The following SERINC5 variants were observed in gnomAD, a reference collection of about 807,000 sequenced individuals.
The protein encoded by SERINC5 is serine incorporator 5.
In SERINC5, 41 loss-of-function variants were observed where a neutral mutation model predicts 63.1. The ratio of observed to expected loss-of-function variants is 0.65; its 90% CI spans 0.51 to 0.84. SERINC5 has a LOEUF of 0.84. Ranked by LOEUF, SERINC5 falls within the 40% of genes least tolerant of loss-of-function variation. The probability of loss-of-function intolerance (pLI) is 0.00; values close to 1 mark genes in which losing one functional copy is unlikely to be tolerated. For missense variants in SERINC5, 523 were observed against 573.0 expected (o/e 0.91, Z 0.89); for synonymous variants, 222 against 215.2 (o/e 1.03, Z -0.28).
intron 1 of SERINC5, among the ~76,000 whole-genome samples, chr5:80,224,492 A>C (rs1751076888): frequency 6.6e-6 from 1 of 152,172 alleles, no homozygotes; most frequent in South Asian, 2.1e-4. Context: ...AAAAAAAAAC[A>C]GTCATGTTTG....
intron 1 of SERINC5, among the ~76,000 whole-genome samples, chr5:80,254,448 G>A (rs1194989380): frequency 1.3e-5 from 2 of 152,152 alleles, no homozygotes; most frequent in African/African-American, 4.8e-5. Context: ...TTTGAATACT[G>A]GTAATTACAG....
intron 2 of SERINC5, among the ~76,000 whole-genome samples, chr5:80,193,159 G>A (rs557815757): frequency 1.9e-4 from 29 of 152,294 alleles, no homozygotes; most frequent in African/African-American, 7.0e-4. Flanking sequence ...AATGAGCTCG[G>A]ATTACAGTTT....
intron 2 of SERINC5, among the ~76,000 whole-genome samples, chr5:80,195,178 C>T (rs1417469882): frequency 6.6e-6 from 1 of 151,336 alleles, no homozygotes; most frequent in African/African-American, 2.4e-5. Context: ...CCCAGCTACT[C>T]GGGAGGCTGA....
At chr5:80,137,112 C>A (rs1481836217), downstream of SERINC5, among the ~76,000 whole-genome samples, 1 of 127,264 alleles carries the variant, frequency 7.9e-6, no homozygotes, top group African/African-American at 2.9e-5. Flanking sequence ...TGCACTCCAG[C>A]TGGGGTGGCA....
intron 11 of SERINC5, among the ~76,000 whole-genome samples, chr5:80,123,097 G>A (rs1744611443): frequency 9.7e-6 from 1 of 102,694 alleles, no homozygotes; most frequent in Admixed American, 9.0e-5. Flanking sequence ...AATCTGTTTT[G>A]TCATCAATTT....
Position 80,148,322 on chromosome 5 carries a change from C to A in SERINC5, c.1054-1038G>T, listed in dbSNP as rs1014605474. Among the ~76,000 whole-genome samples the A allele has an allele frequency of 2.6e-5, 4 of 151,196 alleles. No individual in the cohort carries two copies. In the South Asian group the frequency reaches 8.4e-4, roughly 32 times the overall value. On this transcript the variant is annotated intron_variant, in intron 9 of 11. Coordinates refer to ENST00000507668, the MANE Select transcript of SERINC5 (RefSeq NM_001174072.3). The stretch of plus-strand genomic sequence containing the variant: ...TATCCTGCCTCAGCCTCCCAAGTAG[C>A]TGGGATTACAGGCATGTGCCACCAT...
chr5:80,112,857 G>T, intron 12 of SERINC5, among the ~76,000 whole-genome samples: 1 of 152,112 alleles, frequency 6.6e-6, no homozygotes, highest in East Asian at 1.9e-4. Flanking sequence ...ACAGGTGCTC[G>T]AGAGGCTGAG....
chr5:80,187,127 C>G (rs1315008447), intron 2 of SERINC5, among the ~76,000 whole-genome samples: 2 of 152,066 alleles, frequency 1.3e-5, no homozygotes, highest in Non-Finnish European at 2.9e-5. Flanking sequence ...GATCACGCCA[C>G]TGCACTCCAG....
At chr5:80,179,136 T>TA (rs1340326605) in intron 2 of SERINC5, among the ~76,000 whole-genome samples, 2 of 151,830 alleles carry the variant, frequency 1.3e-5, no homozygotes, top group Admixed American at 1.3e-4. Context: ...CTGTCTCTAC[T>TA]AAAAATACAA....
chr5:80,120,498 T>C (rs138050186), intron 11 of SERINC5, among the ~76,000 whole-genome samples: 4 of 152,250 alleles, frequency 2.6e-5, no homozygotes, highest in East Asian at 3.9e-4. Flanking sequence ...TCATATACCA[T>C]ATTAGGTTAT....
intron 11 of SERINC5, among the ~76,000 whole-genome samples, chr5:80,127,924 T>C (rs1385760853): frequency 6.6e-6 from 1 of 152,102 alleles, no homozygotes. Context: ...GAAAACATAC[T>C]GAACTTAAAA....
chr5:80,200,396 G>C (rs1390133728), intron 2 of SERINC5, among the ~76,000 whole-genome samples: 5 of 151,526 alleles, frequency 3.3e-5, no homozygotes, highest in Non-Finnish European at 4.4e-5. Context: ...TGAGGCAGGA[G>C]AATGGCGTGA....
chr5:80,244,787 A>G (rs1207640031), intron 1 of SERINC5, among the ~76,000 whole-genome samples: 5 of 152,038 alleles, frequency 3.3e-5, no homozygotes, highest in African/African-American at 1.2e-4. Context: ...GTGCCATTGC[A>G]CTCCAGCCTG....
At chr5:80,174,710 C>T (rs1242004732) in intron 5 of SERINC5, among the ~76,000 whole-genome samples, 1 of 151,922 alleles carries the variant, frequency 6.6e-6, no homozygotes, top group East Asian at 1.9e-4. Context: ...GAGACCCGTA[C>T]GAGCAGGGGA....
intron 11 of SERINC5, among the ~76,000 whole-genome samples, chr5:80,125,884 A>T (rs999694429): frequency 1.3e-5 from 2 of 152,208 alleles, no homozygotes; most frequent in Non-Finnish European, 2.9e-5. Context: ...AAAGAAAAGC[A>T]AGATCGAGAG....
At chr5:80,158,799 T>C (rs1409260723) in intron 8 of SERINC5, 37 bp downstream of exon 8, 1 of 1,586,880 alleles carries the variant, frequency 6.3e-7, no homozygotes, top group African/African-American at 1.4e-5. Flanking sequence ...AATTTTAAAG[T>C]CTGCAAAAGT....
chr5:80,136,282 A>G (rs898984523), downstream of SERINC5, among the ~76,000 whole-genome samples: 1 of 136,466 alleles, frequency 7.3e-6, no homozygotes, highest in Non-Finnish European at 1.6e-5. Context: ...GTCTCAAAAA[A>G]ACAAAAAAAA....
chr5:80,193,640 C>A (rs1749331940), intron 2 of SERINC5, among the ~76,000 whole-genome samples: 1 of 152,132 alleles, frequency 6.6e-6, no homozygotes, highest in Non-Finnish European at 1.5e-5. Flanking sequence ...ATTACTGGAC[C>A]AGGATCAAAC....
intron 1 of SERINC5, among the ~76,000 whole-genome samples, chr5:80,251,954 C>T (rs565300661): frequency 1.8e-5 from 1 of 56,832 alleles, no homozygotes; most frequent in South Asian, 8.7e-4. Context: ...AGCAAGCCCT[C>T]CCAATCCCTA....
Sources: gnomAD v4.1 joint callset for allele counts (sites outside exome capture counted in the v4.1 genomes callset) on GRCh38, gnomAD v4.1.1 for gene constraint, MANE v1.5 for transcripts, NCBI Gene and HGNC (gene_info 2026-07-23, HGNC 2026-07-21) for gene names.